The following NFATC2IP variants were observed in gnomAD, a reference collection of about 807,000 sequenced individuals.
The protein encoded by NFATC2IP is NFATC2-interacting protein.
NFATC2IP carries 25 observed loss-of-function variants against 40.2 expected under a neutral mutation model. The observed-to-expected ratio is 0.62, with a 90% CI of 0.45 to 0.87. NFATC2IP has a LOEUF of 0.87. Among genes scored for constraint, NFATC2IP ranks in the 40% least tolerant of loss-of-function variants. The pLI, the probability that NFATC2IP is intolerant of heterozygous loss-of-function variation, is 0.00. For synonymous variants in NFATC2IP, 241 were observed against 236.3 expected, an observed-to-expected ratio of 1.02 and a Z score of -0.18; for missense variants, 553 against 555.6, an observed-to-expected ratio of 1.00 and a Z score of 0.05.
Position 28,956,255 on chromosome 16 carries a change from G to A in NFATC2IP, c.764G>A (p.Gly255Glu). The change falls in exon 5 of 8, where the codon GGG becomes GAG. Residue 255 changes from glycine (G) to glutamate (E), a missense_variant. Gly to Glu is a moderately conservative substitution (Grantham distance 98). Transcript: ENST00000320805. ...GAGGATGAAGTGGTCTTGGTGGAAG[G>A]GCCCACCCTCCCAGAGACCCCCCGA... Reference protein sequence around the residue: ...GQEDEVVLVEGPTLPETPRLF... With the variant: ...GQEDEVVLVEEPTLPETPRLF... 1 of 1,613,894 alleles carries A rather than the reference G, an allele frequency of 6.2e-7. No homozygotes were observed.
At chr16:28,962,186 A>T (rs1013950853) in intron 7 of NFATC2IP, among the ~76,000 whole-genome samples, 1 of 152,152 alleles carries the variant, frequency 6.6e-6, no homozygotes, top group Non-Finnish European at 1.5e-5. Flanking sequence ...GATTACAGGC[A>T]TGAGCCACTG....
intron 1 of NFATC2IP, 63 bp downstream of exon 1, chr16:28,951,461 C>T: frequency 3.7e-6 from 5 of 1,346,336 alleles, no homozygotes; most frequent in Non-Finnish European, 4.8e-6. Context: ...CAGGGAGGGG[C>T]CGGCGTTCGG....
chr16:28,952,518 G>A, intron 2 of NFATC2IP: 1 of 329,604 alleles, frequency 3.0e-6, no homozygotes, highest in Non-Finnish European at 5.6e-6. Context: ...AGCCAGCAGG[G>A]TGTTCTCTGA....
Position 28,951,483 on chromosome 16 carries a change from C to G in NFATC2IP, c.387+85C>G, listed in dbSNP as rs1026906275. 6.3e-6 allele frequency: 8 copies of G among 1,267,832 alleles called. No individual in the cohort carries two copies. In the African/African-American group the frequency reaches 1.3e-4, roughly 20 times the overall value. The allele number at this position is 1,267,832 out of a possible 1,614,324, so 78.5% of individuals were successfully genotyped here. On this transcript the variant is annotated intron_variant, in intron 1 of 7. Transcript: ENST00000320805. ...GGGCCGGCGTTCGGGGAGGGTAGGG[C>G]TATAGGGGTGTTGAGGCTGGCGTTC... is the stretch of plus-strand genomic sequence containing the variant.
chr16:28,962,341 C>T (rs944041112), intron 7 of NFATC2IP, among the ~76,000 whole-genome samples: 6 of 152,122 alleles, frequency 3.9e-5, no homozygotes, highest in South Asian at 4.1e-4. Flanking sequence ...GGGAAAAGGG[C>T]GCAGAGCTTC....
Position 28,962,582 on chromosome 16 carries a change from C to T in NFATC2IP, c.1102-1123C>T, listed in dbSNP as rs1965099501. On this transcript the variant is annotated intron_variant, in intron 7 of 7. Coordinates refer to ENST00000320805, the MANE Select transcript of NFATC2IP (RefSeq NM_032815.4). ...ATCCTACCTTGGTCTTTCTAGTGACCAGCACCATTCCTGAAGCTCTCTAGG... is the reference window on the plus strand; with the variant it reads ...ATCCTACCTTGGTCTTTCTAGTGACTAGCACCATTCCTGAAGCTCTCTAGG... Among the ~76,000 whole-genome samples, 3 of 152,178 alleles carry T rather than the reference C, an allele frequency of 2.0e-5. No homozygotes were observed. In the South Asian group the frequency reaches 6.2e-4, roughly 31 times the overall value.
chr16:28,956,593 T>G, intron 5 of NFATC2IP: 1 of 474,146 alleles, frequency 2.1e-6, no homozygotes, highest in Non-Finnish European at 3.8e-6. Context: ...TCCTGTGTCT[T>G]TTTTTTTCCT....
chr16:28,958,532 G>A (rs528216937), intron 5 of NFATC2IP, 185 bp from the exon 6 acceptor site: 1 of 555,976 alleles, frequency 1.8e-6, no homozygotes, highest in African/African-American at 1.9e-5. Flanking sequence ...ATATTTCTTT[G>A]TGTTACTCGC....
chr16:28,952,543 G>A (rs1383346662), intron 2 of NFATC2IP: 16 of 292,310 alleles, frequency 5.5e-5, no homozygotes, highest in Non-Finnish European at 9.1e-5. Flanking sequence ...TATCAGGGAT[G>A]CCCTGTCTTT....
chr16:28,962,961 C>T (rs965451839), intron 7 of NFATC2IP, among the ~76,000 whole-genome samples: 3 of 152,190 alleles, frequency 2.0e-5, no homozygotes, highest in Non-Finnish European at 4.4e-5. Flanking sequence ...AAGTGGGTGG[C>T]TTATCTGAAC....
chr16:28,964,023 G>T lies in NFATC2IP; in HGVS notation c.*160G>T. On this transcript the variant is annotated 3_prime_UTR_variant, in exon 8 of 8. Transcript: ENST00000320805. ...CCCCTCTCCTGTTGACCCTGGTTTA[G>T]AGCCGTTAACCACTTGGTGAGTTAT... 1 of 682,926 alleles carries T rather than the reference G, an allele frequency of 1.5e-6. No homozygotes were observed. Among genetic ancestry groups the T allele is most frequent in the Non-Finnish European group, 2.4e-6 (1 of 411,028 alleles). 42.3% of individuals were successfully genotyped at this position (682,926 alleles called of 1,614,324 possible).
chr16:28,958,129 G>C (rs1965041826), intron 5 of NFATC2IP, among the ~76,000 whole-genome samples: 1 of 151,734 alleles, frequency 6.6e-6, no homozygotes, highest in African/African-American at 2.4e-5. Flanking sequence ...AAAAAAAAAG[G>C]TCCAGATTTC....
chr16:28,955,023 C>T (rs1965005881), intron 3 of NFATC2IP, among the ~76,000 whole-genome samples: 2 of 151,862 alleles, frequency 1.3e-5, no homozygotes, highest in Non-Finnish European at 2.9e-5. Context: ...GAGACCCTGT[C>T]TCTACAAAAA....
intron 2 of NFATC2IP, 104 bp from the exon 3 acceptor site, chr16:28,954,461 C>T: frequency 1.4e-6 from 1 of 710,418 alleles, no homozygotes; most frequent in Non-Finnish European, 2.4e-6. Flanking sequence ...TCCGTGGTCT[C>T]CTCCTTTCCT....
chr16:28,956,192 G>A lies in NFATC2IP; in HGVS notation c.701G>A (p.Ser234Asn). 6.2e-7 allele frequency: 1 copy of A among 1,614,022 alleles called. No homozygotes were observed. The highest frequency in any genetic ancestry group is 8.5e-7 in the Non-Finnish European group (1 of 1,180,014). Residue 234 changes from serine (S) to asparagine (N), a missense_variant, in exon 5 of 8, where the codon AGC becomes AAC. By Grantham distance (46) the Ser-to-Asn change is conservative. Coordinates refer to ENST00000320805, the MANE Select transcript of NFATC2IP (RefSeq NM_032815.4). ...KRLQDLRSCLSPKPPQGQEQQ... is the reference protein window; with the variant it reads ...KRLQDLRSCLNPKPPQGQEQQ... ...CTCCAGGATCTCCGTTCCTGTCTGA[G>A]CCCCAAGCCACCTCAGGGTCAAGAG...
intron 6 of NFATC2IP, 39 bp from the exon 7 acceptor site, chr16:28,958,952 C>T: frequency 1.9e-6 from 3 of 1,603,572 alleles, no homozygotes; most frequent in Non-Finnish European, 2.6e-6. Flanking sequence ...GCTTCCAAGC[C>T]CCCACTTAGC....
intron 7 of NFATC2IP, among the ~76,000 whole-genome samples, chr16:28,962,216 G>A (rs1965096669): frequency 6.6e-6 from 1 of 152,136 alleles, no homozygotes; most frequent in Non-Finnish European, 1.5e-5. Flanking sequence ...CCCTCCTTGG[G>A]TTTAATTTGC....
At chr16:28,963,344 C>G (rs537791191) in intron 7 of NFATC2IP, among the ~76,000 whole-genome samples, 20 of 152,326 alleles carry the variant, frequency 1.3e-4, no homozygotes, top group African/African-American at 4.6e-4. Flanking sequence ...TCGACTCATC[C>G]TCACTCTAGA....
intron 3 of NFATC2IP, among the ~76,000 whole-genome samples, chr16:28,955,569 T>C (rs1276708166): frequency 2.0e-5 from 3 of 152,210 alleles, no homozygotes; most frequent in Non-Finnish European, 2.9e-5. Context: ...ATGGGGGTTA[T>C]TGGAAGCTGC....
Sources: allele counts gnomAD v4.1 joint callset (sites outside exome capture counted in the v4.1 genomes callset), GRCh38; gene constraint gnomAD v4.1.1; transcripts MANE v1.5; gene names NCBI Gene and HGNC (gene_info 2026-07-23, HGNC 2026-07-21).